The following KLHL32 variants were observed in gnomAD, a reference collection of about 807,000 sequenced individuals.
The protein encoded by KLHL32 is kelch like family member 32.
KLHL32 carries 35 observed loss-of-function variants against 64.8 expected under a neutral mutation model. The observed-to-expected ratio is 0.54, with a 90% CI of 0.41 to 0.72. KLHL32 has a LOEUF of 0.72. Ranked by LOEUF, KLHL32 falls within the 30% of genes least tolerant of loss-of-function variation. KLHL32 has a pLI of 0.00. For synonymous variants in KLHL32, 259 were observed against 281.0 expected, an observed-to-expected ratio of 0.92 and a Z score of 0.78; for missense variants, 589 against 768.5, an observed-to-expected ratio of 0.77 and a Z score of 2.76.
At chr6:97,077,326 A>T (rs1791754818) in intron 5 of KLHL32, among the ~76,000 whole-genome samples, 1 of 152,238 alleles carries the variant, frequency 6.6e-6, no homozygotes, top group Non-Finnish European at 1.5e-5. Flanking sequence ...CATTTGTGAC[A>T]AAAGAGTCTC....
In KLHL32 at chr6:97,041,486, C is replaced by T. The variant is rs753829025; in HGVS notation, c.205-6C>T. On this transcript the variant is annotated splice_polypyrimidine_tract_variant and splice_region_variant and intron_variant, in intron 3 of 10. Transcript: ENST00000369261. ...ATAACTGTCTTTCTCCCTTTCCTCACCTCAGGCAATGTTCAGTCTTTGTAT... is the reference window on the plus strand; with the variant it reads ...ATAACTGTCTTTCTCCCTTTCCTCATCTCAGGCAATGTTCAGTCTTTGTAT... 2 of 1,599,194 alleles carry T rather than the reference C, an allele frequency of 1.3e-6. No homozygotes were observed. Among genetic ancestry groups the T allele is most frequent in the Non-Finnish European group, 1.7e-6 (2 of 1,166,464 alleles).
chr6:97,017,201 C>T (rs1247420920), intron 3 of KLHL32, among the ~76,000 whole-genome samples: 1 of 152,168 alleles, frequency 6.6e-6, no homozygotes, highest in East Asian at 1.9e-4. Flanking sequence ...AAATCCTGGA[C>T]ACATCTGGAT....
intron 3 of KLHL32, among the ~76,000 whole-genome samples, chr6:97,029,622 C>A (rs1289481649): frequency 6.6e-6 from 1 of 152,114 alleles, no homozygotes; most frequent in Non-Finnish European, 1.5e-5. Flanking sequence ...ATTTAGCTCT[C>A]CAGGTGGATT....
intron 3 of KLHL32, among the ~76,000 whole-genome samples, chr6:96,978,929 C>G (rs551165470): frequency 1.3e-5 from 2 of 152,208 alleles, no homozygotes; most frequent in East Asian, 3.9e-4. Context: ...TGCTTGTTGG[C>G]TGCATGTATG....
chr6:97,128,628 C>T (rs576103114), intron 8 of KLHL32, among the ~76,000 whole-genome samples: 4 of 152,340 alleles, frequency 2.6e-5, no homozygotes, highest in African/African-American at 4.8e-5. Context: ...TGTGGAGAGT[C>T]GATAATGCCT....
chr6:97,065,412 G>A (rs987266332), intron 5 of KLHL32, among the ~76,000 whole-genome samples: 1 of 152,186 alleles, frequency 6.6e-6, no homozygotes, highest in Non-Finnish European at 1.5e-5. Flanking sequence ...TGGCTGGTAG[G>A]ACGTTCTGAT....
At chr6:97,114,941 A>C (rs1468319467) in intron 7 of KLHL32, among the ~76,000 whole-genome samples, 1 of 152,244 alleles carries the variant, frequency 6.6e-6, no homozygotes, top group Non-Finnish European at 1.5e-5. Context: ...TTTTCTGGGT[A>C]TATCAATAGG....
At chr6:97,014,442 G>A (rs1197459534) in intron 3 of KLHL32, among the ~76,000 whole-genome samples, 1 of 151,748 alleles carries the variant, frequency 6.6e-6, no homozygotes, top group African/African-American at 2.4e-5. Flanking sequence ...GTAAATATTA[G>A]GGCTACTACT....
chr6:96,968,829 A>G (rs1774789053), intron 2 of KLHL32, among the ~76,000 whole-genome samples: 2 of 152,116 alleles, frequency 1.3e-5, no homozygotes, highest in South Asian at 4.1e-4. Context: ...TAGCCCTCTC[A>G]AAGTAGTGGC....
intron 6 of KLHL32, among the ~76,000 whole-genome samples, chr6:97,108,576 C>A (rs1156826036): frequency 6.6e-6 from 1 of 152,118 alleles, no homozygotes; most frequent in African/African-American, 2.4e-5. Flanking sequence ...TTTGAATTTT[C>A]TTTGCCATTT....
At chr6:97,100,957 G>A (rs1216522340) in intron 6 of KLHL32, among the ~76,000 whole-genome samples, 1 of 119,286 alleles carries the variant, frequency 8.4e-6, no homozygotes, top group Non-Finnish European at 1.7e-5. Context: ...ATGTGCCACT[G>A]CAGCCAAGCT....
At chr6:97,133,749 T>C (rs1582284498) in intron 10 of KLHL32, among the ~76,000 whole-genome samples, 1 of 152,276 alleles carries the variant, frequency 6.6e-6, no homozygotes, top group East Asian at 1.9e-4. Flanking sequence ...AAAGTACTTC[T>C]ATTATTCATA....
At chr6:97,111,755 G>A (rs1334236320) in intron 6 of KLHL32, among the ~76,000 whole-genome samples, 1 of 152,184 alleles carries the variant, frequency 6.6e-6, no homozygotes, top group Non-Finnish European at 1.5e-5. Context: ...CAAACAAGAT[G>A]AAGACGGTAA....
intron 3 of KLHL32, among the ~76,000 whole-genome samples, chr6:96,997,669 G>A (rs746011884): frequency 2.0e-5 from 3 of 152,080 alleles, no homozygotes; most frequent in Non-Finnish European, 2.9e-5. Flanking sequence ...TTGAGCCCAG[G>A]TGGAGGCTGT....
intron 1 of KLHL32, among the ~76,000 whole-genome samples, chr6:96,959,095 T>C (rs572376019): frequency 6.6e-6 from 1 of 152,240 alleles, no homozygotes; most frequent in Non-Finnish European, 1.5e-5. Flanking sequence ...GTTTAGCACC[T>C]AGAGAAAGAT....
intron 3 of KLHL32, among the ~76,000 whole-genome samples, chr6:96,981,241 C>T (rs897789207): frequency 2.6e-5 from 4 of 152,108 alleles, no homozygotes; most frequent in African/African-American, 4.8e-5. Context: ...TTTGGAACTT[C>T]TTATTGGTCT....
chr6:96,904,804 G>T, the KLHL32 span, among the ~76,000 whole-genome samples: 2 of 152,230 alleles, frequency 1.3e-5, no homozygotes, highest in African/African-American at 2.4e-5. Context: ...TGACAAGACA[G>T]ATGTGATTAT....
intron 4 of KLHL32, among the ~76,000 whole-genome samples, chr6:97,064,049 C>G (rs1242884747): frequency 6.6e-6 from 1 of 152,138 alleles, no homozygotes; most frequent in African/African-American, 2.4e-5. Context: ...GTTGAACCTC[C>G]TTTATTTTAA....
intron 6 of KLHL32, among the ~76,000 whole-genome samples, chr6:97,098,174 A>G (rs911409661): frequency 8.5e-5 from 13 of 152,162 alleles, no homozygotes; most frequent in Non-Finnish European, 1.8e-4. Flanking sequence ...GGTGTTTACA[A>G]TGTGCAGCTC....
Sources: allele counts gnomAD v4.1 joint callset (sites outside exome capture counted in the v4.1 genomes callset), GRCh38; gene constraint gnomAD v4.1.1; transcripts MANE v1.5; gene names NCBI Gene and HGNC (gene_info 2026-07-23, HGNC 2026-07-21).